Variants in SGCD observed in about 807,000 individuals in gnomAD.
SGCD encodes the protein sarcoglycan delta.
SGCD carries 18 observed loss-of-function variants against 36.6 expected under a neutral mutation model. The observed-to-expected ratio is 0.49, with a 90% confidence interval of 0.34 to 0.73. The LOEUF (loss-of-function observed/expected upper bound fraction) is 0.73. Ranked by LOEUF, SGCD falls within the 30% of genes least tolerant of loss-of-function variation. The pLI is 0.01. For synonymous variants in SGCD, 133 were observed against 130.6 expected, an observed-to-expected ratio of 1.02 and a Z score of -0.12; for missense variants, 387 against 346.7, an observed-to-expected ratio of 1.12 and a Z score of -0.92.
exon 3 of SGCD, chr5:156,123,867 A>T (rs1477147001): frequency 6.6e-6 from 1 of 151,992 alleles, no homozygotes. Flanking sequence ...CTTGGAAGAA[A>T]CCTCCATCCT....
chr5:155,735,297 A>G, the SGCD span, among the ~76,000 whole-genome samples: 1 of 152,238 alleles, frequency 6.6e-6, no homozygotes, highest in Non-Finnish European at 1.5e-5. Context: ...ATGTTGCTTA[A>G]GATGTAATTA....
chr5:156,596,050 T>C (rs947166083), intron 6 of SGCD, among the ~76,000 whole-genome samples: 3 of 152,156 alleles, frequency 2.0e-5, no homozygotes, highest in Non-Finnish European at 4.4e-5. Flanking sequence ...TGAGCCAGTT[T>C]CCTTTTCTGC....
chr5:155,933,033 G>A (rs1250710654), intron 1 of SGCD, among the ~76,000 whole-genome samples: 9 of 152,158 alleles, frequency 5.9e-5, no homozygotes, highest in African/African-American at 1.9e-4. Flanking sequence ...AAACCAAGAG[G>A]GTTAGTATGT....
chr5:156,536,050 C>T (rs1477056357), intron 4 of SGCD, among the ~76,000 whole-genome samples: 1 of 152,112 alleles, frequency 6.6e-6, no homozygotes, highest in Admixed American at 6.6e-5. Flanking sequence ...AATAGTCTTT[C>T]ATTATCACTT....
chr5:156,358,915 A>T (rs1769630571), intron 3 of SGCD, among the ~76,000 whole-genome samples: 1 of 151,896 alleles, frequency 6.6e-6, no homozygotes, highest in Admixed American at 6.6e-5. Context: ...CAGGTGGGAG[A>T]GGGGTGGAAG....
chr5:156,317,501 A>G lies in SGCD; in HGVS notation c.-43-12033A>G, dbSNP rs563067553. On this transcript the variant is annotated intron_variant, in intron 3 of 9. Transcript: ENST00000517913. Reference sequence around the variant, plus strand: ...CAATTTCAAAAGTTTTGCCTTACACAGTTTTCCATAACTGAAGGTTAAGAA... The same window carrying G: ...CAATTTCAAAAGTTTTGCCTTACACGGTTTTCCATAACTGAAGGTTAAGAA... Among the ~76,000 whole-genome samples, 28 of 152,290 alleles carry G rather than the reference A, an allele frequency of 1.8e-4. No individual in the cohort carries two copies. In the South Asian group the frequency reaches 2.5e-3, roughly 14 times the overall value.
At chr5:155,947,579 C>T (rs1757465134) in intron 1 of SGCD, among the ~76,000 whole-genome samples, 1 of 152,008 alleles carries the variant, frequency 6.6e-6, no homozygotes, top group Non-Finnish European at 1.5e-5. Context: ...CTTGACTTCT[C>T]CCAGGCTCAG....
intron 1 of SGCD, among the ~76,000 whole-genome samples, chr5:155,996,164 A>T (rs1033825105): frequency 6.6e-6 from 1 of 151,984 alleles, no homozygotes; most frequent in Non-Finnish European, 1.5e-5. Flanking sequence ...GTTCAGGTGC[A>T]GGTTTGTTAT....
intron 3 of SGCD, among the ~76,000 whole-genome samples, chr5:156,465,495 C>T (rs1298734269): frequency 6.6e-6 from 1 of 152,158 alleles, no homozygotes; most frequent in Non-Finnish European, 1.5e-5. Flanking sequence ...TCTTTTTAGA[C>T]ATCTCCGTAA....
intron 1 of SGCD, among the ~76,000 whole-genome samples, chr5:155,991,355 T>C (rs1366539989): frequency 1.3e-5 from 2 of 152,156 alleles, no homozygotes; most frequent in African/African-American, 2.4e-5. Flanking sequence ...CTTTGTGTAA[T>C]TGATGGGTTA....
intron 1 of SGCD, among the ~76,000 whole-genome samples, chr5:155,900,237 AC>A (rs1756357632): frequency 6.6e-6 from 1 of 152,180 alleles, no homozygotes; most frequent in South Asian, 2.1e-4. Context: ...CATTAATTAA[AC>A]TTTTCTACAA....
At chr5:155,855,214 C>G in the SGCD span, among the ~76,000 whole-genome samples, 4 of 152,140 alleles carry the variant, frequency 2.6e-5, no homozygotes, top group South Asian at 4.2e-4. Flanking sequence ...ATCAGCACCC[C>G]CCTCGGCAAC....
chr5:156,406,323 G>A (rs995347070), intron 3 of SGCD, among the ~76,000 whole-genome samples: 18 of 152,070 alleles, frequency 1.2e-4, no homozygotes, highest in African/African-American at 4.3e-4. Context: ...GCGTCTCTGT[G>A]TGTCACTGCC....
chr5:156,419,063 G>C (rs548179362), intron 3 of SGCD, among the ~76,000 whole-genome samples: 1 of 152,138 alleles, frequency 6.6e-6, no homozygotes, highest in Admixed American at 6.5e-5. Context: ...ACTAAGAGAA[G>C]TATCTCAAGG....
chr5:156,400,860 C>T (rs1437788560), intron 3 of SGCD, among the ~76,000 whole-genome samples: 1 of 152,172 alleles, frequency 6.6e-6, no homozygotes, highest in Non-Finnish European at 1.5e-5. Context: ...GATATTGCTC[C>T]AAAAGGCAAT....
At position 156,687,574 on chromosome 5, in the gene SGCD, A is replaced by G. The variant is rs368652357; in HGVS notation, c.575+40038A>G. 9.8e-5 allele frequency among the ~76,000 whole-genome samples: 15 copies of G among 152,310 alleles called. No homozygotes were observed. In the East Asian group the frequency reaches 2.9e-3, roughly 29 times the overall value. ...ATGGGCCCAAAATGTTACTGTTATC[A>G]AAGCCGCACATTGAAGAAGACAGCA... On this transcript the variant is annotated intron_variant, in intron 7 of 8. Transcript: ENST00000337851.
intron 1 of SGCD, among the ~76,000 whole-genome samples, chr5:156,016,369 A>AT (rs1758977944): frequency 1.3e-5 from 2 of 152,060 alleles, no homozygotes; most frequent in South Asian, 4.1e-4. Flanking sequence ...TTAGTTTTAC[A>AT]TTTTGTTCCC....
intron 4 of SGCD, among the ~76,000 whole-genome samples, chr5:156,582,517 G>T (rs1401342842): frequency 6.6e-6 from 1 of 152,144 alleles, no homozygotes; most frequent in East Asian, 1.9e-4. Flanking sequence ...CTGAATCCAG[G>T]TTACACTCCG....
chr5:155,908,274 C>T (rs1756564041), intron 1 of SGCD, among the ~76,000 whole-genome samples: 1 of 152,076 alleles, frequency 6.6e-6, no homozygotes, highest in Admixed American at 6.6e-5. Flanking sequence ...TGGAATGGAA[C>T]CTGCCAAATC....
Sources: gnomAD v4.1 joint callset for allele counts (sites outside exome capture counted in the v4.1 genomes callset) on GRCh38, gnomAD v4.1.1 for gene constraint, MANE v1.5 for transcripts, NCBI Gene and HGNC (gene_info 2026-07-23, HGNC 2026-07-21) for gene names.